IMMP2L: variants seen among roughly 807,000 people sequenced by gnomAD.
IMMP2L encodes the protein mitochondrial inner membrane protease subunit 2.
IMMP2L carries 18 observed loss-of-function variants against 19.3 expected under a neutral mutation model. The ratio of observed to expected loss-of-function variants is 0.93; its 90% confidence interval spans 0.64 to 1.38. The LOEUF (loss-of-function observed/expected upper bound fraction) is 1.38. IMMP2L is among the 40% of genes most tolerant of loss of function. The pLI, the probability that IMMP2L is intolerant of heterozygous loss-of-function variation, is 0.00. For missense variants in IMMP2L, 233 were observed against 218.2 expected (o/e 1.07, Z -0.43); for synonymous variants, 76 against 73.0 (o/e 1.04, Z -0.21).
chr7:110,780,922 C>A (rs996551613), intron 5 of IMMP2L, among the ~76,000 whole-genome samples: 3 of 151,820 alleles, frequency 2.0e-5, no homozygotes, highest in African/African-American at 7.2e-5. Context: ...GCAGTTCCAC[C>A]AGTGTGGGCT....
chr7:111,028,948 A>G (rs927197333), intron 3 of IMMP2L, among the ~76,000 whole-genome samples: 2 of 152,194 alleles, frequency 1.3e-5, no homozygotes, highest in Admixed American at 6.5e-5. Flanking sequence ...AAAATCAGAA[A>G]TACATCTAAT....
chr7:111,091,825 G>A (rs1796897346), intron 3 of IMMP2L, among the ~76,000 whole-genome samples: 1 of 152,094 alleles, frequency 6.6e-6, no homozygotes, highest in South Asian at 2.1e-4. Context: ...CAGTGGGGGA[G>A]AAGAGAGGAG....
intron 3 of IMMP2L, among the ~76,000 whole-genome samples, chr7:111,419,715 G>T (rs1453970196): frequency 6.6e-6 from 1 of 151,204 alleles, no homozygotes; most frequent in African/African-American, 2.4e-5. Flanking sequence ...TGACCACCAT[G>T]GGCACATATC....
intron 3 of IMMP2L, among the ~76,000 whole-genome samples, chr7:111,134,208 C>T (rs1165496593): frequency 6.6e-6 from 1 of 151,936 alleles, no homozygotes; most frequent in Non-Finnish European, 1.5e-5. Flanking sequence ...AAAAAAAGTA[C>T]TGTGTCTAAT....
chr7:111,114,720 A>G (rs1304486625), intron 3 of IMMP2L, among the ~76,000 whole-genome samples: 1 of 149,478 alleles, frequency 6.7e-6, no homozygotes, highest in Non-Finnish European at 1.5e-5. Context: ...AGCCTGGGCA[A>G]CAGGCGAGAC....
At chr7:110,707,030 G>C (rs1228132218) in intron 5 of IMMP2L, among the ~76,000 whole-genome samples, 8 of 98,090 alleles carry the variant, frequency 8.2e-5, no homozygotes, top group African/African-American at 2.6e-4. Context: ...TATACTCTAA[G>C]TTTTAGGGTA....
intron 3 of IMMP2L, among the ~76,000 whole-genome samples, chr7:111,282,651 TCAGCTCA>T (rs995579589): frequency 5.9e-5 from 9 of 152,042 alleles, no homozygotes; most frequent in African/African-American, 1.9e-4. Flanking sequence ...TGGTACAATC[TCAGCTCA>T]CTGAAGCCTC....
intron 3 of IMMP2L, chr7:111,122,799 T>C (rs778831114): frequency 3.7e-6 from 6 of 1,613,252 alleles, no homozygotes; most frequent in South Asian, 1.1e-5. Flanking sequence ...TCCGAATTCA[T>C]GTGCTACTTG....
chr7:111,070,823 T>C (rs1794892942), intron 3 of IMMP2L, among the ~76,000 whole-genome samples: 1 of 152,194 alleles, frequency 6.6e-6, no homozygotes, highest in South Asian at 2.1e-4. Flanking sequence ...AGTAGACACA[T>C]CTTCAAGTTG....
At chr7:111,436,021 T>C (rs1585089222) in intron 3 of IMMP2L, among the ~76,000 whole-genome samples, 1 of 151,732 alleles carries the variant, frequency 6.6e-6, no homozygotes, top group East Asian at 1.9e-4. Context: ...TTGCCATGCA[T>C]ACCAGGTGTC....
intron 2 of IMMP2L, among the ~76,000 whole-genome samples, chr7:111,504,356 T>C (rs1844646474): frequency 6.6e-6 from 1 of 152,118 alleles, no homozygotes; most frequent in African/African-American, 2.4e-5. Context: ...TCCATGCTCA[T>C]GGGTAGGAAG....
At chr7:110,824,720 T>C (rs1454101389) in intron 5 of IMMP2L, among the ~76,000 whole-genome samples, 1 of 152,104 alleles carries the variant, frequency 6.6e-6, no homozygotes, top group Non-Finnish European at 1.5e-5. Flanking sequence ...TGAAACATCA[T>C]GTCTAGTTTC....
rs1043989625 is a variant in IMMP2L at position 110,726,041 on chromosome 7, G to GAC, written c.409-62322_409-62321dup. Among the ~76,000 whole-genome samples the GAC allele has an allele frequency of 9.2e-5, 14 of 152,116 alleles. No individual in the cohort carries two copies. In the East Asian group the frequency reaches 1.2e-3, roughly 13 times the overall value. ...ATAGAGATTAAATAACTTGCCCAAA[G>GAC]ACACACAACTAATAAATTGTGGAGC... is the stretch of plus-strand genomic sequence containing the variant. On this transcript the variant is annotated intron_variant, in intron 5 of 5. Coordinates refer to ENST00000405709, the MANE Select transcript of IMMP2L (RefSeq NM_032549.4).
chr7:111,006,441 A>G (rs1415475721), intron 3 of IMMP2L, among the ~76,000 whole-genome samples: 1 of 152,174 alleles, frequency 6.6e-6, no homozygotes, highest in Non-Finnish European at 1.5e-5. Context: ...CCAGGAAACA[A>G]CTAGTTTAAT....
At chr7:110,980,786 C>T (rs1033026630) in intron 3 of IMMP2L, among the ~76,000 whole-genome samples, 3 of 152,144 alleles carry the variant, frequency 2.0e-5, no homozygotes, top group African/African-American at 7.2e-5. Context: ...GAGTTTGAAA[C>T]ACCATATTAA....
chr7:111,169,175 C>A lies in IMMP2L; in HGVS notation c.240-205610G>T, dbSNP rs550850022. Among the ~76,000 whole-genome samples, 10 of 151,914 alleles carry A rather than the reference C, an allele frequency of 6.6e-5. No individual in the cohort carries two copies. In the East Asian group the frequency reaches 1.9e-3, roughly 30 times the overall value. On this transcript the variant is annotated intron_variant, in intron 3 of 5. Coordinates refer to ENST00000405709, the MANE Select transcript of IMMP2L (RefSeq NM_032549.4). Reference sequence around the variant, plus strand: ...TTAAAGATTTATAGGAGCATTGTGACCTGACCAAAGAAAAAGACATTCCCA... The same window carrying A: ...TTAAAGATTTATAGGAGCATTGTGAACTGACCAAAGAAAAAGACATTCCCA...
intron 3 of IMMP2L, among the ~76,000 whole-genome samples, chr7:111,346,344 C>T (rs554592913): frequency 6.6e-6 from 1 of 152,214 alleles, no homozygotes; most frequent in African/African-American, 2.4e-5. Flanking sequence ...TCAGGAGAGA[C>T]CTAAGCAGAG....
intron 1 of IMMP2L, among the ~76,000 whole-genome samples, chr7:111,556,018 G>GTGTGTGTGTATATATATATATA (rs777862357): frequency 8.8e-5 from 8 of 91,374 alleles, no homozygotes; most frequent in Admixed American, 1.4e-4. Context: ...CTGTGTGCAT[G>GTGTGTGTGTATATATATATATA]TATATATATA....
At chr7:111,307,951 A>G (rs940161935) in intron 3 of IMMP2L, among the ~76,000 whole-genome samples, 3 of 152,006 alleles carry the variant, frequency 2.0e-5, no homozygotes, top group African/African-American at 7.2e-5. Context: ...ACAGAATATA[A>G]TTGAACACTT....
Sources: gnomAD v4.1 joint callset for allele counts (sites outside exome capture counted in the v4.1 genomes callset) on GRCh38, gnomAD v4.1.1 for gene constraint, MANE v1.5 for transcripts, NCBI Gene and HGNC (gene_info 2026-07-23, HGNC 2026-07-21) for gene names.